TPR: variants seen among roughly 807,000 people sequenced by gnomAD.
The protein encoded by TPR is translocated promoter region, nuclear basket protein, also known as nucleoprotein TPR.
A neutral mutation model predicts 316.1 loss-of-function variants in TPR; 51 were observed. That is an observed-to-expected ratio of 0.16 (90% CI 0.13 to 0.20). The LOEUF is 0.20. Ranked by LOEUF, TPR falls within the 10% of genes least tolerant of loss-of-function variation. The pLI, the probability that TPR is intolerant of heterozygous loss-of-function variation, is 1.00. For synonymous variants in TPR, 981 were observed against 914.7 expected (o/e 1.07, Z -1.31); for missense variants, 2,272 against 2,754.8 (o/e 0.82, Z 3.92).
intron 49 of TPR, 59 bp from the exon 50 acceptor site, chr1:186,314,783 T>C (rs998603549): frequency 1.9e-6 from 2 of 1,055,318 alleles, no homozygotes; most frequent in Non-Finnish European, 2.8e-6. Context: ...GCATTTATAA[T>C]GATACAAACT....
chr1:186,322,660 A>G, intron 43 of TPR, 74 bp from the exon 44 acceptor site: 1 of 1,442,100 alleles, frequency 6.9e-7, no homozygotes, highest in African/African-American at 1.4e-5. Flanking sequence ...ATATCAACAG[A>G]TACAGCTTAT....
At position 186,335,372 on chromosome 1, in the gene TPR, T is replaced by A. The variant is rs1465875556; in HGVS notation, c.4877A>T (p.Glu1626Val). ...AGGTTCTTGAGGCTCATCTCTCTGC[T>A]CAAGGTGTCTCTCTTGATGCTCCCT... ...ELREHQERHL[E>V]QRDEPQEPSN... Residue 1626 changes from glutamate (E) to valine (V), a missense_variant, in exon 34 of 51, where the codon GAG becomes GTG. Around this residue, in one of 10 missense-constraint regions of TPR, gnomAD observed 109 missense variants for 215.3 expected, o/e 0.51. Transcript: ENST00000367478. 2.5e-6 allele frequency: 4 copies of A among 1,613,660 alleles called. No individual in the cohort carries two copies. The highest frequency in any genetic ancestry group is 3.4e-6 in the Non-Finnish European group (4 of 1,179,770).
chr1:186,336,583 C>G lies in TPR; in HGVS notation c.4618G>C (p.Glu1540Gln). The change falls in exon 33 of 51, where the codon GAG (glutamate) becomes CAG (glutamine). Residue 1540 changes from glutamate to glutamine, a missense_variant. Coordinates refer to ENST00000367478, the MANE Select transcript of TPR (RefSeq NM_003292.3). ...QDLQDRTTQE[E>Q]QLRQQITEKE... ...TCAGTTATCTGTTGTCGGAGCTGCTCCTCCTGTGTGGTTCTATCTTGAAGA... is the reference window on the plus strand; with the variant it reads ...TCAGTTATCTGTTGTCGGAGCTGCTGCTCCTGTGTGGTTCTATCTTGAAGA... The G allele has an allele frequency of 1.9e-6, 3 of 1,613,926 alleles. No individual in the cohort carries two copies. Among genetic ancestry groups the G allele is most frequent in the Non-Finnish European group, 2.5e-6 (3 of 1,179,906 alleles).
Position 186,312,459 on chromosome 1 carries a change from T to C in TPR, c.*1512A>G, listed in dbSNP as rs1254547596. On this transcript the variant is annotated 3_prime_UTR_variant, in exon 51 of 51. Coordinates refer to ENST00000367478, the MANE Select transcript of TPR (RefSeq NM_003292.3). The stretch of plus-strand genomic sequence containing the variant: ...TACAGTAAGGCTTATGAAATATGGA[T>C]ACTGATCAAACAGCCCTAATAATTT... 9.4e-6 allele frequency: 12 copies of C among 1,272,244 alleles called. No individual in the cohort carries two copies. The highest frequency in any genetic ancestry group is 1.2e-5 in the Non-Finnish European group (11 of 916,954). The allele number at this position is 1,272,244 out of a possible 1,614,324, so 78.8% of individuals were successfully genotyped here. A position where few individuals can be genotyped will look rare whatever the true frequency, so the allele number is the denominator to read the frequency against.
At chr1:186,331,355 G>A in intron 39 of TPR, 143 bp downstream of exon 39, 1 of 550,708 alleles carries the variant, frequency 1.8e-6, no homozygotes, top group Non-Finnish European at 3.1e-6. Context: ...AGCAGACTCT[G>A]CAATGATTAA....
In TPR at chr1:186,347,451, A is replaced by T. The variant is rs773889380; in HGVS notation, c.2784T>A (p.Pro928=). 21 of 1,613,770 alleles carry T rather than the reference A, an allele frequency of 1.3e-5. No homozygotes were observed. Among genetic ancestry groups the T allele is most frequent in the Non-Finnish European group, 1.8e-5 (21 of 1,179,888 alleles). The change falls in exon 22 of 51, where the codon CCT becomes CCA. Residue 928 remains proline, a synonymous_variant. Coordinates refer to ENST00000367478, the MANE Select transcript of TPR (RefSeq NM_003292.3). ...GATCATCCACATCTTCTTTGTTGCT[A>T]GGCTGACCTAAAAGACATAACAGCT... ...QSSQRTGKGQ[P]SNKEDVDDLV... is the part of the protein sequence containing the mutation.
Position 186,373,383 on chromosome 1 carries a change from A to T in TPR, c.232T>A (p.Leu78Met). The T allele has an allele frequency of 6.2e-7, 1 of 1,613,432 alleles. No individual in the cohort carries two copies. Among genetic ancestry groups the T allele is most frequent in the Non-Finnish European group, 8.5e-7 (1 of 1,179,630 alleles). The change falls in exon 2 of 51, where the codon TTG becomes ATG. Residue 78 changes from leucine to methionine, a missense_variant. Physicochemically the swap from Leu to Met is conservative, Grantham distance 15. Around this residue, in one of 10 missense-constraint regions of TPR, gnomAD observed 549 missense variants for 598.6 expected, o/e 0.92. Transcript: ENST00000367478. ...CTGAGTTTCTCTAGCTCAAGCCGCA[A>T]GCTTTGACACTCTCGGGTTTCATTC... ...LVNETRECQS[L>M]RLELEKLNNQ...
intron 35 of TPR, 57 bp downstream of exon 35, chr1:186,335,011 A>T: frequency 6.6e-7 from 1 of 1,522,112 alleles, no homozygotes; most frequent in Non-Finnish European, 9.0e-7. Flanking sequence ...AAAGATCACT[A>T]GATATTCCCT....
intron 24 of TPR, 24 bp from the exon 25 acceptor site, chr1:186,344,602 G>A (rs1396158586): frequency 4.1e-6 from 6 of 1,450,860 alleles, no homozygotes; most frequent in Non-Finnish European, 5.4e-6. Context: ...TTACCCAATT[G>A]ATACCAAAGA....
At chr1:186,334,219 G>A (rs956968229) in intron 36 of TPR, 106 bp downstream of exon 36, 41 of 1,154,912 alleles carry the variant, frequency 3.6e-5, no homozygotes, top group Non-Finnish European at 4.0e-5. Flanking sequence ...TTACAATGAC[G>A]TGACTTCAGC....
intron 33 of TPR, among the ~76,000 whole-genome samples, chr1:186,336,113 C>A (rs1016719421): frequency 1.3e-5 from 2 of 152,016 alleles, no homozygotes; most frequent in African/African-American, 4.8e-5. Flanking sequence ...GGGTCCTCCA[C>A]CAAACGAGGC....
At chr1:186,319,397 T>C (rs1406934219) in intron 46 of TPR, among the ~76,000 whole-genome samples, 1 of 152,202 alleles carries the variant, frequency 6.6e-6, no homozygotes, top group East Asian at 1.9e-4. Flanking sequence ...GCTAATTTTA[T>C]TGAGTATCCA....
rs192998971 is a variant in TPR, at chr1:186,360,187, T to C, written c.1191+86A>G. 1.1e-4 allele frequency: 158 copies of C among 1,465,990 alleles called. 1 individual carries two copies. Among genetic ancestry groups the C allele is most frequent in the Admixed American group, 6.8e-4 (32 of 46,772 alleles). 90.8% of individuals were successfully genotyped at this position (1,465,990 alleles called of 1,614,324 possible). A position where few individuals can be genotyped will look rare whatever the true frequency, so the allele number is the denominator to read the frequency against. On this transcript the variant is annotated intron_variant, in intron 11 of 50. Transcript: ENST00000367478. ...ACTAATTATAAGATGATTTTAAAAA[T>C]AAGTTTTGGGAGAATTAAATTTTGA...
At chr1:186,369,935 T>C (rs963520842) in intron 3 of TPR, among the ~76,000 whole-genome samples, 4 of 152,106 alleles carry the variant, frequency 2.6e-5, no homozygotes, top group African/African-American at 9.7e-5. Context: ...TGTGACTGTG[T>C]GCACACTATT....
At chr1:186,353,265 A>T (rs191112311) in intron 18 of TPR, among the ~76,000 whole-genome samples, 20 of 151,750 alleles carry the variant, frequency 1.3e-4, no homozygotes, top group Admixed American at 3.3e-4. Flanking sequence ...CCAGCTACTC[A>T]GGAGGTTGAG....
At chr1:186,358,789 A>G in intron 12 of TPR, 139 bp from the exon 13 acceptor site, 1 of 666,036 alleles carries the variant, frequency 1.5e-6, no homozygotes, top group Non-Finnish European at 2.5e-6. Context: ...GTAGCCACTA[A>G]AAAAGAAGTT....
chr1:186,323,986 GAAGTA>G, intron 42 of TPR, 116 bp from the exon 43 acceptor site: 1 of 1,091,030 alleles, frequency 9.2e-7, no homozygotes, highest in Non-Finnish European at 1.3e-6. Context: ...AATATTTTCA[GAAGTA>G]AAGTAGTGAG....
intron 39 of TPR, among the ~76,000 whole-genome samples, chr1:186,329,631 C>A (rs988981624): frequency 7.2e-5 from 11 of 152,118 alleles, no homozygotes; most frequent in Non-Finnish European, 8.8e-5. Flanking sequence ...ACGTGGCTTG[C>A]AATGTTGGCA....
Position 186,337,243 on chromosome 1 carries a change from CT to C in TPR, c.4363-88del, listed in dbSNP as rs796115190. 64 of 1,445,166 alleles carry C rather than the reference CT, an allele frequency of 4.4e-5. No individual in the cohort carries two copies. The African/African-American group carries it at 8.6e-4, about 19-fold the overall frequency. 89.5% of individuals were successfully genotyped at this position (1,445,166 alleles called of 1,614,324 possible). A position where few individuals can be genotyped will look rare whatever the true frequency, so the allele number is the denominator to read the frequency against. Reference sequence around the variant, plus strand: ...AGTTTGTCTAAGAAAATAATCACAGCTTTGCAAAGAAATTTTATCCCTGAAG... The same window carrying C: ...AGTTTGTCTAAGAAAATAATCACAGCTTGCAAAGAAATTTTATCCCTGAAG... On this transcript the variant is annotated intron_variant, in intron 31 of 50. Transcript: ENST00000367478.
Sources: gnomAD v4.1 joint callset for allele counts (sites outside exome capture counted in the v4.1 genomes callset) on GRCh38, gnomAD v4.1.1 for gene constraint, gnomAD v4.1.1 regional missense constraint, MANE v1.5 for transcripts, NCBI Gene and HGNC (gene_info 2026-07-23, HGNC 2026-07-21) for gene names.